The following IGF2BP3 variants were observed in gnomAD, a reference collection of about 807,000 sequenced individuals.
IGF2BP3 encodes the protein insulin-like growth factor 2 mRNA-binding protein 3.
A neutral mutation model predicts 73.8 loss-of-function variants in IGF2BP3; 9 were observed. That is an observed-to-expected ratio of 0.12 (90% CI 0.07 to 0.21). IGF2BP3 has a LOEUF of 0.21. Ranked by LOEUF, IGF2BP3 falls within the 10% of genes least tolerant of loss-of-function variation. The pLI is 1.00. For missense variants in IGF2BP3, 542 were observed against 714.0 expected (o/e 0.76, Z 2.75); for synonymous variants, 258 against 256.7 (o/e 1.01, Z -0.05).
chr7:23,411,852 G>T (rs904040855), intron 3 of IGF2BP3, among the ~76,000 whole-genome samples: 2 of 151,954 alleles, frequency 1.3e-5, no homozygotes, highest in Admixed American at 6.6e-5. Context: ...GTTCATCCAC[G>T]GCTTACAGTG....
intron 2 of IGF2BP3, among the ~76,000 whole-genome samples, chr7:23,421,690 C>CAA (rs78946584): frequency 2.5e-4 from 15 of 60,816 alleles, no homozygotes; most frequent in African/African-American, 5.3e-4. Context: ...GACTCCATCT[C>CAA]AAAAAAAAAA....
At chr7:23,345,823 A>T in intron 8 of IGF2BP3, 117 bp downstream of exon 8, 1 of 1,180,604 alleles carries the variant, frequency 8.5e-7, no homozygotes, top group Admixed American at 2.4e-5. Context: ...AACCATGTGT[A>T]AGTACGGCAG....
chr7:23,468,082 G>T (rs879521775), intron 2 of IGF2BP3, among the ~76,000 whole-genome samples: 1 of 152,192 alleles, frequency 6.6e-6, no homozygotes, highest in Admixed American at 6.5e-5. Context: ...GGACCCCCGC[G>T]TGTCCGCAGC....
chr7:23,445,065 C>G (rs1015889403), intron 2 of IGF2BP3, among the ~76,000 whole-genome samples: 2 of 152,002 alleles, frequency 1.3e-5, no homozygotes, highest in Non-Finnish European at 2.9e-5. Flanking sequence ...CTCTAAAAAA[C>G]AACAATAAAT....
intron 2 of IGF2BP3, among the ~76,000 whole-genome samples, chr7:23,445,604 T>C (rs1442055239): frequency 1.3e-5 from 2 of 152,204 alleles, no homozygotes; most frequent in African/African-American, 2.4e-5. Context: ...ATGTACATTA[T>C]TCATCAAGAG....
chr7:23,368,028 A>G (rs1785430990), intron 3 of IGF2BP3, among the ~76,000 whole-genome samples: 1 of 152,062 alleles, frequency 6.6e-6, no homozygotes, highest in African/African-American at 2.4e-5. Flanking sequence ...CAAAAAAACA[A>G]AGTTCATTCA....
At chr7:23,359,953 A>C (rs1785184476) in intron 5 of IGF2BP3, among the ~76,000 whole-genome samples, 1 of 152,062 alleles carries the variant, frequency 6.6e-6, no homozygotes, top group African/African-American at 2.4e-5. Context: ...TAAATTGCCA[A>C]AAAATTTTAC....
intron 3 of IGF2BP3, among the ~76,000 whole-genome samples, chr7:23,363,380 G>A (rs2128508671): frequency 6.6e-6 from 1 of 151,964 alleles, no homozygotes; most frequent in Admixed American, 6.6e-5. Flanking sequence ...TGAGTAGCTG[G>A]CACTACAGGT....
intron 10 of IGF2BP3, among the ~76,000 whole-genome samples, chr7:23,321,543 A>T (rs545576711): frequency 2.0e-5 from 3 of 152,236 alleles, no homozygotes; most frequent in South Asian, 2.1e-4. Context: ...CAAAGCAGCC[A>T]GGACGCTCGA....
chr7:23,319,309 T>C (rs1241961334), intron 10 of IGF2BP3, 55 bp from the exon 11 acceptor site: 1 of 1,178,336 alleles, frequency 8.5e-7, no homozygotes, highest in Non-Finnish European at 1.3e-6. Flanking sequence ...ATCAGGCTTT[T>C]GTTAACATTA....
intron 2 of IGF2BP3, among the ~76,000 whole-genome samples, chr7:23,439,554 C>CAAA (rs11332929): frequency 1.5e-3 from 84 of 56,314 alleles, no homozygotes; most frequent in East Asian, 3.8e-3. Flanking sequence ...GACTCCGTCT[C>CAAA]AAAAAAAAAA....
At chr7:23,402,988 C>T (rs1424839411) in intron 3 of IGF2BP3, among the ~76,000 whole-genome samples, 1 of 152,158 alleles carries the variant, frequency 6.6e-6, no homozygotes, top group Non-Finnish European at 1.5e-5. Context: ...TGTCACACAT[C>T]CTGAAGTGTG....
At chr7:23,394,086 T>C (rs1187053659) in intron 3 of IGF2BP3, among the ~76,000 whole-genome samples, 1 of 152,090 alleles carries the variant, frequency 6.6e-6, no homozygotes, top group Non-Finnish European at 1.5e-5. Context: ...AAATTATTAG[T>C]GTTATAGGTT....
At chr7:23,463,249 A>C (rs1788491441) in intron 2 of IGF2BP3, among the ~76,000 whole-genome samples, 1 of 152,226 alleles carries the variant, frequency 6.6e-6, no homozygotes, top group Non-Finnish European at 1.5e-5. Flanking sequence ...AACAATTATA[A>C]TGGAGTCACT....
At chr7:23,326,913 G>C (rs1037153704) in intron 10 of IGF2BP3, among the ~76,000 whole-genome samples, 3 of 120,872 alleles carry the variant, frequency 2.5e-5, no homozygotes, top group Admixed American at 2.0e-4. Flanking sequence ...TCTGGGGACT[G>C]TTGTGGGGTG....
intron 3 of IGF2BP3, among the ~76,000 whole-genome samples, chr7:23,403,980 T>C (rs1786749450): frequency 6.6e-6 from 1 of 151,756 alleles, no homozygotes; most frequent in Non-Finnish European, 1.5e-5. Flanking sequence ...AAAATTTTTT[T>C]TTTTTTAAAT....
rs1488751318 is a variant in IGF2BP3 at position 23,312,424 on chromosome 7, C to T, written c.1678G>A (p.Val560Ile). 1 of 1,613,736 alleles carries T rather than the reference C, an allele frequency of 6.2e-7. No individual in the cohort carries two copies. Among genetic ancestry groups the T allele is most frequent in the East Asian group, 2.2e-5 (1 of 44,888 alleles). Residue 560 changes from valine to isoleucine, a missense_variant, in exon 15 of 15, where the codon GTA becomes ATA. Transcript: ENST00000258729. ...GCCTTCTGTTGTTGGTGCTGCTTTA[C>T]CTGAGTCAGAATTTCCTGAATTTTT... Reference protein sequence around the residue: ...QRKIQEILTQVKQHQQQKALQ... With the variant: ...QRKIQEILTQIKQHQQQKALQ...
intron 3 of IGF2BP3, among the ~76,000 whole-genome samples, chr7:23,399,014 G>A (rs1464386976): frequency 2.6e-5 from 4 of 152,142 alleles, no homozygotes; most frequent in African/African-American, 9.7e-5. Flanking sequence ...TATTGCCTAC[G>A]TTTTCTTCTA....
intron 2 of IGF2BP3, among the ~76,000 whole-genome samples, chr7:23,437,555 C>T (rs1383236089): frequency 6.6e-6 from 1 of 151,942 alleles, no homozygotes; most frequent in Non-Finnish European, 1.5e-5. Flanking sequence ...AAATGAAATC[C>T]TTTGTTACAT....
Sources: allele counts gnomAD v4.1 joint callset (sites outside exome capture counted in the v4.1 genomes callset), GRCh38; gene constraint gnomAD v4.1.1; transcripts MANE v1.5; gene names NCBI Gene and HGNC (gene_info 2026-07-23, HGNC 2026-07-21).